Variants in TAF8 observed in about 807,000 individuals in gnomAD.
TAF8 encodes transcription initiation factor TFIID subunit 8.
In TAF8, 47 loss-of-function variants were observed where a neutral mutation model predicts 36.5. The ratio of observed to expected loss-of-function variants is 1.29; its 90% CI spans 1.02 to 1.64. The LOEUF is 1.64. Ranked by LOEUF, TAF8 falls within the 40% of genes most tolerant of loss-of-function variation. The pLI, the probability that TAF8 is intolerant of heterozygous loss-of-function variation, is 0.00. For missense variants in TAF8, 420 were observed against 407.6 expected (o/e 1.03, Z -0.26); for synonymous variants, 175 against 159.5 (o/e 1.10, Z -0.73).
chr6:42,072,410 T>A (rs1417712637), intron 7 of TAF8, among the ~76,000 whole-genome samples: 5 of 151,096 alleles, frequency 3.3e-5, no homozygotes, highest in Non-Finnish European at 4.4e-5. Context: ...TGTTCCCTGT[T>A]ACCCACTTTC....
chr6:42,052,132 T>C (rs1352712683), intron 2 of TAF8, among the ~76,000 whole-genome samples: 1 of 152,146 alleles, frequency 6.6e-6, no homozygotes, highest in Non-Finnish European at 1.5e-5. Context: ...CCTCATGGAT[T>C]TGTGAGTGTA....
intron 7 of TAF8, among the ~76,000 whole-genome samples, chr6:42,069,566 C>G (rs1322092370): frequency 6.6e-6 from 1 of 152,138 alleles, no homozygotes; most frequent in African/African-American, 2.4e-5. Flanking sequence ...GGAACAACCA[C>G]CGGGTAGAAC....
chr6:42,065,096 A>G (rs1008389946), intron 5 of TAF8, among the ~76,000 whole-genome samples: 3 of 152,134 alleles, frequency 2.0e-5, no homozygotes, highest in Non-Finnish European at 2.9e-5. Context: ...CTGTAATCCC[A>G]GCACTTTGGG....
At chr6:42,059,171 C>G (rs183597969) in intron 5 of TAF8, among the ~76,000 whole-genome samples, 162 of 152,090 alleles carry the variant, frequency 1.1e-3, no homozygotes, top group Non-Finnish European at 1.5e-3. Flanking sequence ...ATCATGAGGT[C>G]AGGAGATCGA....
intron 5 of TAF8, among the ~76,000 whole-genome samples, chr6:42,059,427 T>C (rs1765117469): frequency 6.6e-6 from 1 of 151,886 alleles, no homozygotes; most frequent in Admixed American, 6.6e-5. Context: ...AGAGCTGTCT[T>C]CTTGCACTGA....
chr6:42,056,009 C>A lies in TAF8; in HGVS notation c.359C>A (p.Thr120Asn). 3.1e-6 allele frequency: 5 copies of A among 1,609,040 alleles called. No individual in the cohort carries two copies. Among genetic ancestry groups the A allele is most frequent in the Non-Finnish European group, 4.3e-6 (5 of 1,175,294 alleles). The change falls in exon 4 of 9, where the codon ACT (threonine) becomes AAT (asparagine). Residue 120 changes from threonine to asparagine, a missense_variant. By Grantham distance (65) the Thr-to-Asn change is moderately conservative (BLOSUM62 0). Transcript: ENST00000372977. ...YAKRSQRMVITAPPVTNQPVT... is the reference protein window; with the variant it reads ...YAKRSQRMVINAPPVTNQPVT... The stretch of plus-strand genomic sequence containing the variant: ...AAACGGTCTCAGAGGATGGTCATCA[C>A]TGCTCGTAAGTGACTTTGAACTGAG...
intron 4 of TAF8, among the ~76,000 whole-genome samples, chr6:42,056,985 C>T (rs915042559): frequency 6.6e-6 from 1 of 152,178 alleles, no homozygotes; most frequent in African/African-American, 2.4e-5. Flanking sequence ...TGGAAGGTGC[C>T]ATTTTCAATC....
chr6:42,059,629 T>C (rs1765122321), intron 5 of TAF8, among the ~76,000 whole-genome samples: 1 of 152,206 alleles, frequency 6.6e-6, no homozygotes, highest in Non-Finnish European at 1.5e-5. Context: ...ATGTTAGTCC[T>C]ACAAAGGCAA....
At chr6:42,060,440 T>C (rs1404336898) in intron 5 of TAF8, among the ~76,000 whole-genome samples, 1 of 152,232 alleles carries the variant, frequency 6.6e-6, no homozygotes, top group African/African-American at 2.4e-5. Flanking sequence ...TTAAATTGGC[T>C]TTGATAGAAC....
Position 42,077,236 on chromosome 6 carries a change from A to G in TAF8, c.917A>G (p.Lys306Arg), listed in dbSNP as rs769046111. The change falls in exon 8 of 9, where the codon AAG (lysine) becomes AGG (arginine). Residue 306 changes from lysine to arginine, a missense_variant. By Grantham distance (26) the Lys-to-Arg change is conservative. Transcript: ENST00000372977. ...GTGAAGAAGCCCAAGATCCGCAGGA[A>G]GAAGTGAGTTGGAGGCTGGGGTCCA... ...RPVKKPKIRR[K>R]KSLS The G allele has an allele frequency of 6.4e-5, 103 of 1,612,258 alleles. No homozygotes were observed. The highest frequency in any genetic ancestry group is 8.7e-5 in the Non-Finnish European group (102 of 1,178,718).
Position 42,081,095 on chromosome 6 carries a change from A to C in TAF8, c.*3550A>C, listed in dbSNP as rs1314882136. 9 of 331,902 alleles carry C rather than the reference A, an allele frequency of 2.7e-5. No individual in the cohort carries two copies. The highest frequency in any genetic ancestry group is 3.9e-5 in the Non-Finnish European group (9 of 233,222). 20.6% of individuals were successfully genotyped at this position (331,902 alleles called of 1,614,324 possible). ...CCTGTATATGCCTCATCAAGCTTCC[A>C]CACTTGTCAGTAGCTTGTTGATTCT... On this transcript the variant is annotated 3_prime_UTR_variant, in exon 9 of 9. Coordinates refer to ENST00000372977, the MANE Select transcript of TAF8 (RefSeq NM_138572.3).
intron 4 of TAF8, chr6:42,056,226 T>C (rs1764983511): frequency 2.0e-6 from 1 of 489,336 alleles, no homozygotes; most frequent in African/African-American, 2.0e-5. Flanking sequence ...CTTTGAGATA[T>C]TGCTGTGTTT....
In TAF8 at chr6:42,080,214, G is replaced by A. The variant is rs956336353; in HGVS notation, c.*2669G>A. 44 of 985,418 alleles carry A rather than the reference G, an allele frequency of 4.5e-5. No homozygotes were observed. The highest frequency in any genetic ancestry group is 5.2e-5 in the Non-Finnish European group (43 of 830,026). The allele number at this position is 985,418 out of a possible 1,614,324, so 61.0% of individuals were successfully genotyped here. ...CAGCTGTTCTCACTGCTCTTGGGAGGTGTTGTCCCAGTCAGTGTTTCTGCA... is the reference window on the plus strand; with the variant it reads ...CAGCTGTTCTCACTGCTCTTGGGAGATGTTGTCCCAGTCAGTGTTTCTGCA... On this transcript the variant is annotated 3_prime_UTR_variant, in exon 9 of 9. Coordinates refer to ENST00000372977, the MANE Select transcript of TAF8 (RefSeq NM_138572.3).
At chr6:42,056,105 C>T (rs1764978769) in intron 4 of TAF8, 91 bp downstream of exon 4, 5 of 856,068 alleles carry the variant, frequency 5.8e-6, no homozygotes, top group Middle Eastern at 2.2e-4. Context: ...GGATTAGTAG[C>T]TACTTCCTTG....
At chr6:42,070,589 A>G (rs941759441) in intron 7 of TAF8, among the ~76,000 whole-genome samples, 1 of 152,246 alleles carries the variant, frequency 6.6e-6, no homozygotes, top group Non-Finnish European at 1.5e-5. Context: ...TCTACTAGGC[A>G]GTGCAAATAT....
intron 7 of TAF8, among the ~76,000 whole-genome samples, chr6:42,074,756 C>T (rs772069006): frequency 6.6e-6 from 1 of 151,948 alleles, no homozygotes; most frequent in African/African-American, 2.4e-5. Context: ...AGGCTGATCT[C>T]GAACTCTTCA....
chr6:42,083,477 G>A (rs188242618), downstream of TAF8, among the ~76,000 whole-genome samples: 4 of 152,292 alleles, frequency 2.6e-5, no homozygotes, highest in East Asian at 1.9e-4. Flanking sequence ...TATCCTGCAC[G>A]AGTGCCTGCC....
intron 5 of TAF8, among the ~76,000 whole-genome samples, 165 bp from the exon 6 acceptor site, chr6:42,066,147 A>G (rs1380350157): frequency 6.6e-6 from 1 of 152,124 alleles, no homozygotes; most frequent in East Asian, 1.9e-4. Context: ...GTGATCCACC[A>G]GCCTTGGCCT....
Position 42,080,373 on chromosome 6 carries a change from C to CTTTTTTTTTTTTTTTTT in TAF8, c.*2844_*2845insTTTTTTTTTTTTTTTTT. 1.4e-6 allele frequency: 1 copy of CTTTTTTTTTTTTTTTTT among 708,560 alleles called. No homozygotes were observed. Among genetic ancestry groups the CTTTTTTTTTTTTTTTTT allele is most frequent in the Non-Finnish European group, 1.6e-6 (1 of 618,342 alleles). 43.9% of individuals were successfully genotyped at this position (708,560 alleles called of 1,614,324 possible). On this transcript the variant is annotated 3_prime_UTR_variant, in exon 9 of 9. Transcript: ENST00000372977. ...AGGCTATACTCTTTTTTTTTCTTTT[C>CTTTTTTTTTTTTTTTTT]TTTTTTTTTTTTTTTTGAGACGGCA...
Sources: gnomAD v4.1 joint callset for allele counts (sites outside exome capture counted in the v4.1 genomes callset) on GRCh38, gnomAD v4.1.1 for gene constraint, MANE v1.5 for transcripts, NCBI Gene and HGNC (gene_info 2026-07-23, HGNC 2026-07-21) for gene names.